The following LIMCH1 variants were observed in gnomAD, a reference collection of about 807,000 sequenced individuals.
LIMCH1 encodes the protein LIM and calponin homology domains 1, also known as LIM and calponin homology domains-containing protein 1.
Under a neutral mutation model 176.5 loss-of-function variants are expected in LIMCH1, and 113 were observed. The observed-to-expected ratio is 0.64, with a 90% confidence interval of 0.55 to 0.75. The LOEUF (loss-of-function observed/expected upper bound fraction) is 0.75. Ranked by LOEUF, LIMCH1 falls within the 30% of genes least tolerant of loss-of-function variation. The pLI is 0.00. For synonymous variants in LIMCH1, 619 were observed against 645.9 expected, an observed-to-expected ratio of 0.96 and a Z score of 0.63; for missense variants, 1,674 against 1,814.9, an observed-to-expected ratio of 0.92 and a Z score of 1.41.
intron 1 of LIMCH1, among the ~76,000 whole-genome samples, chr4:41,415,899 C>T (rs544049032): frequency 6.6e-6 from 1 of 151,986 alleles, no homozygotes; most frequent in African/African-American, 2.4e-5. Context: ...ATCGCTTGAA[C>T]CCGGGAGGTG....
At chr4:41,638,799 C>A in intron 13 of LIMCH1, 133 bp from the exon 14 acceptor site, 1 of 761,206 alleles carries the variant, frequency 1.3e-6, no homozygotes, top group African/African-American at 1.8e-5. Flanking sequence ...TTGTATAATG[C>A]CATTTCTCTT....
At chr4:41,678,775 C>A (rs1339557787) in intron 23 of LIMCH1, among the ~76,000 whole-genome samples, 2 of 130,690 alleles carry the variant, frequency 1.5e-5, no homozygotes, top group East Asian at 4.7e-4. Context: ...TCACTCTCTG[C>A]ATCTCTGCAT....
At chr4:41,578,284 A>G (rs2084829159) in intron 1 of LIMCH1, among the ~76,000 whole-genome samples, 1 of 152,172 alleles carries the variant, frequency 6.6e-6, no homozygotes. Context: ...CACTTATCAA[A>G]CAACCAGATC....
chr4:41,411,051 A>C (rs984001951), intron 1 of LIMCH1, among the ~76,000 whole-genome samples: 1 of 152,160 alleles, frequency 6.6e-6, no homozygotes, highest in Non-Finnish European at 1.5e-5. Flanking sequence ...GAAGACTCTT[A>C]GTCTTCTCAA....
At chr4:41,682,105 A>G (rs2153048244) in intron 25 of LIMCH1, among the ~76,000 whole-genome samples, 1 of 152,336 alleles carries the variant, frequency 6.6e-6, no homozygotes, top group East Asian at 1.9e-4. Context: ...ATTTTGAAAG[A>G]GGGGTTTTCT....
chr4:41,374,487 A>G (rs1239087083), intron 1 of LIMCH1, among the ~76,000 whole-genome samples: 1 of 152,156 alleles, frequency 6.6e-6, no homozygotes, highest in African/African-American at 2.4e-5. Flanking sequence ...AAGAGTTGTA[A>G]GTAGTATGAT....
chr4:41,507,349 A>T (rs1165486397), intron 2 of LIMCH1, among the ~76,000 whole-genome samples: 1 of 151,916 alleles, frequency 6.6e-6, no homozygotes, highest in Admixed American at 6.6e-5. Context: ...TTCCTGGAGG[A>T]TGGGAGTGGG....
intron 2 of LIMCH1, among the ~76,000 whole-genome samples, chr4:41,501,808 C>T (rs897767439): frequency 3.7e-5 from 5 of 136,734 alleles, no homozygotes; most frequent in Non-Finnish European, 7.7e-5. Flanking sequence ...ATCAGGAAGG[C>T]GGGTTTAAAA....
Position 41,629,519 on chromosome 4 carries a change from G to A in LIMCH1, c.1056G>A (p.Lys352=), listed in dbSNP as rs2093185828. Residue 352 remains lysine (K), a synonymous_variant, in exon 9 of 32, where the codon AAG becomes AAA. Coordinates refer to ENST00000503057, the MANE Select transcript of LIMCH1 (RefSeq NM_001330672.2). ...ACCAGGGCCACACAGAAGAGGTGAA[G>A]TTGATAGTGACCTGTAACATGAGGG... The part of the protein sequence containing the change: ...KRNQGHTEEV[K]LIVTCNMRAQ... 3 of 1,536,104 alleles carry A rather than the reference G, an allele frequency of 2.0e-6. No homozygotes were observed. In the South Asian group the frequency reaches 3.6e-5, roughly 18 times the overall value.
intron 1 of LIMCH1, among the ~76,000 whole-genome samples, chr4:41,443,198 T>C (rs868419052): frequency 7.4e-5 from 3 of 40,380 alleles, no homozygotes; most frequent in Admixed American, 2.3e-4. Flanking sequence ...TTTTCTTTTT[T>C]TTTTTTTTTT....
intron 1 of LIMCH1, among the ~76,000 whole-genome samples, chr4:41,397,668 A>C (rs967847014): frequency 6.6e-6 from 1 of 152,100 alleles, no homozygotes; most frequent in Non-Finnish European, 1.5e-5. Context: ...GAAAAAAAAA[A>C]CAAGGTTATT....
intron 1 of LIMCH1, among the ~76,000 whole-genome samples, chr4:41,420,581 G>A (rs1460254909): frequency 6.6e-6 from 1 of 152,168 alleles, no homozygotes; most frequent in Non-Finnish European, 1.5e-5. Context: ...TTGGACATAG[G>A]ACTTCCCAAT....
chr4:41,449,795 T>G (rs960813814), intron 1 of LIMCH1, among the ~76,000 whole-genome samples: 7 of 152,222 alleles, frequency 4.6e-5, no homozygotes, highest in African/African-American at 1.7e-4. Context: ...AGTGGGTGGC[T>G]GGAACAACAG....
intron 21 of LIMCH1, among the ~76,000 whole-genome samples, chr4:41,669,869 T>C (rs1452099842): frequency 1.3e-5 from 2 of 152,180 alleles, no homozygotes; most frequent in Non-Finnish European, 2.9e-5. Context: ...TCAGGTATCC[T>C]GGAGCCACAC....
intron 5 of LIMCH1, 99 bp from the exon 6 acceptor site, chr4:41,619,089 A>G: frequency 7.4e-7 from 1 of 1,351,328 alleles, no homozygotes; most frequent in Non-Finnish European, 1.0e-6. Context: ...AGGAATCCTC[A>G]GAACCCACAG....
intron 1 of LIMCH1, among the ~76,000 whole-genome samples, chr4:41,590,240 C>T (rs1431365295): frequency 3.3e-5 from 5 of 152,058 alleles, no homozygotes; most frequent in Non-Finnish European, 7.4e-5. Flanking sequence ...CTAAGGTGCG[C>T]ACCACCAGGC....
chr4:41,531,872 T>G (rs921344869), intron 3 of LIMCH1, among the ~76,000 whole-genome samples: 1 of 152,158 alleles, frequency 6.6e-6, no homozygotes, highest in African/African-American at 2.4e-5. Context: ...CCTCCCCTTC[T>G]TTAGGGGAAC....
intron 21 of LIMCH1, chr4:41,670,614 T>C (rs1471162677): frequency 1.4e-6 from 1 of 720,506 alleles, no homozygotes; most frequent in Admixed American, 3.1e-5. Flanking sequence ...ATTCTGGTAT[T>C]GACTAGAGCC....
At chr4:41,367,106 G>T (rs1326517151) in intron 1 of LIMCH1, among the ~76,000 whole-genome samples, 3 of 152,106 alleles carry the variant, frequency 2.0e-5, no homozygotes. Flanking sequence ...TGGGGTAACC[G>T]CCCCCGTGAT....
Sources: allele counts gnomAD v4.1 joint callset (sites outside exome capture counted in the v4.1 genomes callset), GRCh38; gene constraint gnomAD v4.1.1; transcripts MANE v1.5; gene names NCBI Gene and HGNC (gene_info 2026-07-23, HGNC 2026-07-21).